Variants in SLC35F4 observed in about 807,000 individuals in gnomAD.
SLC35F4 encodes the protein solute carrier family 35 member F4.
A neutral mutation model predicts 44.2 loss-of-function variants in SLC35F4; 24 were observed. That is an observed-to-expected ratio of 0.54 (90% CI 0.39 to 0.76). SLC35F4 has a LOEUF of 0.76. SLC35F4 is among the 30% of genes least tolerant of loss of function. SLC35F4 has a pLI of 0.00. For synonymous variants in SLC35F4, 238 were observed against 223.6 expected (o/e 1.06, Z -0.57); for missense variants, 562 against 586.1 (o/e 0.96, Z 0.42).
chr14:57,611,584 T>TCA (rs2071503708), intron 1 of SLC35F4, among the ~76,000 whole-genome samples: 1 of 56,632 alleles, frequency 1.8e-5, no homozygotes, highest in Non-Finnish European at 4.9e-5. Flanking sequence ...AAGAGAAGAG[T>TCA]TAAAAAAAAA....
chr14:57,927,141 C>T (rs529286864), intron 1 of SLC35F4, among the ~76,000 whole-genome samples: 2 of 152,306 alleles, frequency 1.3e-5, no homozygotes, highest in African/African-American at 4.8e-5. Flanking sequence ...CTGGGTCAGC[C>T]GTCCCTGTGG....
At chr14:57,914,518 G>A (rs988761294) in intron 1 of SLC35F4, among the ~76,000 whole-genome samples, 3 of 151,840 alleles carry the variant, frequency 2.0e-5, no homozygotes, top group South Asian at 2.1e-4. Context: ...AGCCGAGATC[G>A]CGCCACTGCA....
At chr14:57,621,986 C>T (rs1226114700) in intron 1 of SLC35F4, among the ~76,000 whole-genome samples, 1 of 151,076 alleles carries the variant, frequency 6.6e-6, no homozygotes, top group Non-Finnish European at 1.5e-5. Context: ...AAACAAACAA[C>T]CCCATCAAAA....
intron 1 of SLC35F4, among the ~76,000 whole-genome samples, chr14:57,836,774 C>T (rs1428592246): frequency 6.6e-6 from 1 of 152,148 alleles, no homozygotes; most frequent in Non-Finnish European, 1.5e-5. Flanking sequence ...CACACAAGCA[C>T]ACCCTTCCTG....
At chr14:57,752,139 T>C (rs759498811) in intron 1 of SLC35F4, among the ~76,000 whole-genome samples, 4 of 152,182 alleles carry the variant, frequency 2.6e-5, no homozygotes, top group Non-Finnish European at 4.4e-5. Context: ...AAAGTAACTC[T>C]AGAAAGAGGG....
chr14:57,738,555 T>A (rs143552200), intron 1 of SLC35F4, among the ~76,000 whole-genome samples: 1 of 151,934 alleles, frequency 6.6e-6, no homozygotes, highest in African/African-American at 2.4e-5. Flanking sequence ...TGTTCTGGTA[T>A]AGATTATATA....
intron 1 of SLC35F4, among the ~76,000 whole-genome samples, chr14:57,861,835 C>T (rs1257376531): frequency 1.3e-5 from 2 of 152,170 alleles, no homozygotes; most frequent in Non-Finnish European, 2.9e-5. Context: ...TTCTTCTTCT[C>T]CTGAACCTCT....
chr14:57,916,905 T>C (rs955003426), intron 1 of SLC35F4, among the ~76,000 whole-genome samples: 22 of 152,214 alleles, frequency 1.4e-4, no homozygotes, highest in African/African-American at 5.3e-4. Context: ...TTCCAAACCA[T>C]GTCCAGTCTA....
chr14:57,707,263 T>C (rs1403266889), intron 1 of SLC35F4, among the ~76,000 whole-genome samples: 1 of 152,134 alleles, frequency 6.6e-6, no homozygotes, highest in Non-Finnish European at 1.5e-5. Context: ...TCTGGCTTTG[T>C]CCCCACCGAA....
intron 1 of SLC35F4, among the ~76,000 whole-genome samples, chr14:57,709,808 T>C (rs539829722): frequency 6.6e-6 from 1 of 152,332 alleles, no homozygotes; most frequent in South Asian, 2.1e-4. Flanking sequence ...CAGAGGTGAC[T>C]TGAGTGCTCT....
chr14:57,589,106 T>A, intron 3 of SLC35F4, 110 bp downstream of exon 3: 1 of 1,211,492 alleles, frequency 8.3e-7, no homozygotes, highest in Non-Finnish European at 1.2e-6. Flanking sequence ...TAGATCTTGT[T>A]TCTTCACATA....
chr14:57,671,867 T>A (rs2074533888), intron 1 of SLC35F4, among the ~76,000 whole-genome samples: 1 of 152,056 alleles, frequency 6.6e-6, no homozygotes, highest in Non-Finnish European at 1.5e-5. Context: ...CTCTATTAAT[T>A]CTCCCCATGA....
At chr14:57,708,628 C>T (rs1031803511) in intron 1 of SLC35F4, among the ~76,000 whole-genome samples, 6 of 152,088 alleles carry the variant, frequency 3.9e-5, no homozygotes, top group Non-Finnish European at 7.4e-5. Context: ...CCCACAGAGT[C>T]GGTAGGTTTT....
chr14:57,967,283 A>G (rs551226363), intron 1 of SLC35F4, among the ~76,000 whole-genome samples: 1 of 152,356 alleles, frequency 6.6e-6, no homozygotes, highest in East Asian at 1.9e-4. Flanking sequence ...TAAAAATGTC[A>G]TTACTGTTAA....
chr14:57,937,614 A>G (rs576275506), intron 1 of SLC35F4, among the ~76,000 whole-genome samples: 12 of 104,684 alleles, frequency 1.1e-4, no homozygotes, highest in South Asian at 2.8e-4. Flanking sequence ...AGAAAAGAAA[A>G]GAAAAGAAAA....
intron 1 of SLC35F4, among the ~76,000 whole-genome samples, chr14:57,761,189 C>T (rs2077116374): frequency 1.3e-5 from 2 of 152,198 alleles, no homozygotes; most frequent in Admixed American, 1.3e-4. Flanking sequence ...TTGAAAACAG[C>T]GGTTGCATAT....
intron 1 of SLC35F4, among the ~76,000 whole-genome samples, chr14:57,909,191 A>G (rs1449821762): frequency 6.6e-6 from 1 of 152,136 alleles, no homozygotes; most frequent in Non-Finnish European, 1.5e-5. Flanking sequence ...CCTGCACACC[A>G]TCTGTTTTTG....
chr14:57,657,938 C>G (rs1026302847), intron 1 of SLC35F4, among the ~76,000 whole-genome samples: 7 of 152,142 alleles, frequency 4.6e-5, no homozygotes, highest in African/African-American at 1.7e-4. Flanking sequence ...AGTTATTTAA[C>G]CTCTCTGAGT....
chr14:57,578,738 C>G (rs2069004486), intron 4 of SLC35F4: 1 of 152,160 alleles, frequency 6.6e-6, no homozygotes, highest in African/African-American at 2.4e-5. Flanking sequence ...CTAATGCTTA[C>G]TATTCTGCTA....
Sources: gnomAD v4.1 joint callset for allele counts (sites outside exome capture counted in the v4.1 genomes callset) on GRCh38, gnomAD v4.1.1 for gene constraint, MANE v1.5 for transcripts, NCBI Gene and HGNC (gene_info 2026-07-23, HGNC 2026-07-21) for gene names.